VPS41: variants seen among roughly 807,000 people sequenced by gnomAD.
VPS41 encodes the protein vacuolar protein sorting-associated protein 41 homolog.
A neutral mutation model predicts 130.9 loss-of-function variants in VPS41; 85 were observed. The observed-to-expected ratio is 0.65, with a 90% confidence interval of 0.55 to 0.78. The LOEUF (loss-of-function observed/expected upper bound fraction) is 0.78. Among genes scored for constraint, VPS41 ranks in the 30% least tolerant of loss-of-function variants. VPS41 has a pLI of 0.00. For missense variants in VPS41, 874 were observed against 1,018.7 expected (o/e 0.86, Z 1.93); for synonymous variants, 335 against 332.9 (o/e 1.01, Z -0.07).
In VPS41 at chr7:38,723,739, A is replaced by AAAAAAAC. The variant is rs1562560144; in HGVS notation, c.*2506_*2507insGTTTTTT. ...ACTCCATCTCAAAAAAAAAAAAAAAAAAAAAAAAAAAAAGAATAGCTTATG... is the reference window on the plus strand; with the variant it reads ...ACTCCATCTCAAAAAAAAAAAAAAAAAAAAAACAAAAAAAAAAAAAGAATAGCTTATG... On this transcript the variant is annotated 3_prime_UTR_variant, in exon 29 of 29. Transcript: ENST00000310301. 12 of 149,864 alleles carry AAAAAAAC rather than the reference A, an allele frequency of 8.0e-5. No homozygotes were observed. The highest frequency in any genetic ancestry group is 3.0e-4 in the African/African-American group (12 of 40,484). 9.3% of individuals were successfully genotyped at this position (149,864 alleles called of 1,614,324 possible). A position where few individuals can be genotyped will look rare whatever the true frequency, so the allele number is the denominator to read the frequency against.
Position 38,728,533 on chromosome 7 carries a change from CCTT to C in VPS41, c.2404+6_2404+8del. The C allele has an allele frequency of 1.2e-6, 2 of 1,614,034 alleles. No homozygotes were observed. Among genetic ancestry groups the C allele is most frequent in the Non-Finnish European group, 1.7e-6 (2 of 1,179,974 alleles). The stretch of plus-strand genomic sequence containing the variant: ...ATGTTTGGGATTTTTTTGGGGAAAA[CCTT>C]CTTACCTGATGGAAGAATAGGGGAA... On this transcript the variant is annotated splice_donor_region_variant and intron_variant, in intron 27 of 28. Coordinates refer to ENST00000310301, the MANE Select transcript of VPS41 (RefSeq NM_014396.4).
chr7:38,879,538 C>T (rs1346668485), intron 2 of VPS41, among the ~76,000 whole-genome samples: 1 of 151,918 alleles, frequency 6.6e-6, no homozygotes, highest in Non-Finnish European at 1.5e-5. Context: ...AGACAGTGGT[C>T]CCCAACCTTT....
At chr7:38,896,838 AAT>A (rs779586932) in intron 2 of VPS41, among the ~76,000 whole-genome samples, 1 of 152,222 alleles carries the variant, frequency 6.6e-6, no homozygotes, top group Non-Finnish European at 1.5e-5. Flanking sequence ...AGCGAAATGA[AAT>A]ATTAAAAGGA....
At chr7:38,824,899 G>C (rs1319599810) in intron 5 of VPS41, among the ~76,000 whole-genome samples, 2 of 152,206 alleles carry the variant, frequency 1.3e-5, no homozygotes, top group Non-Finnish European at 2.9e-5. Context: ...GAAAAAGACT[G>C]ACAGATCAGT....
intron 1 of VPS41, among the ~76,000 whole-genome samples, chr7:38,908,499 T>A (rs1202480230): frequency 1.4e-5 from 2 of 146,124 alleles, no homozygotes; most frequent in Non-Finnish European, 3.1e-5. Flanking sequence ...CCAACAGTTC[T>A]AAGTACTCTA....
chr7:38,752,414 TG>T, intron 21 of VPS41, 101 bp from the exon 22 acceptor site: 1 of 1,420,652 alleles, frequency 7.0e-7, no homozygotes, highest in Non-Finnish European at 9.6e-7. Flanking sequence ...ATGGACAGGT[TG>T]GGGGAGAAGC....
intron 27 of VPS41, 118 bp from the exon 28 acceptor site, chr7:38,727,106 G>T (rs1795560341): frequency 2.2e-6 from 2 of 897,430 alleles, no homozygotes; most frequent in Non-Finnish European, 1.6e-6. Context: ...TGCCTTTAGA[G>T]AATGGCTTAT....
intron 7 of VPS41, among the ~76,000 whole-genome samples, chr7:38,798,837 C>A (rs1252475466): frequency 6.6e-6 from 1 of 152,030 alleles, no homozygotes; most frequent in African/African-American, 2.4e-5. Context: ...GAACAGTCTG[C>A]ACCTGTGTTG....
chr7:38,748,075 C>G (rs1562570200), intron 22 of VPS41, among the ~76,000 whole-genome samples: 1 of 152,188 alleles, frequency 6.6e-6, no homozygotes, highest in Admixed American at 6.5e-5. Context: ...AGAAAATGGA[C>G]TTTAGAAATC....
chr7:38,798,960 G>A (rs1023994396), intron 7 of VPS41, among the ~76,000 whole-genome samples: 1 of 152,092 alleles, frequency 6.6e-6, no homozygotes, highest in Non-Finnish European at 1.5e-5. Context: ...AGCCTGCCTG[G>A]GAAGTCAGGC....
chr7:38,874,553 T>C (rs1184316383), intron 2 of VPS41, among the ~76,000 whole-genome samples: 4 of 152,170 alleles, frequency 2.6e-5, no homozygotes, highest in Non-Finnish European at 5.9e-5. Context: ...GATGAATGGT[T>C]TAGTTGGTTT....
chr7:38,829,590 C>A (rs1459850720), intron 5 of VPS41, among the ~76,000 whole-genome samples: 1 of 152,152 alleles, frequency 6.6e-6, no homozygotes, highest in African/African-American at 2.4e-5. Context: ...AAAAGACATT[C>A]TTATAAGTGG....
intron 2 of VPS41, among the ~76,000 whole-genome samples, chr7:38,886,789 C>T (rs561384792): frequency 7.2e-5 from 11 of 152,316 alleles, no homozygotes; most frequent in African/African-American, 2.6e-4. Flanking sequence ...ACACCTCATA[C>T]AGGCAGGTGC....
chr7:38,837,998 A>G (rs1263464319), intron 4 of VPS41, among the ~76,000 whole-genome samples: 1 of 152,212 alleles, frequency 6.6e-6, no homozygotes, highest in East Asian at 1.9e-4. Flanking sequence ...AGGAACTTAC[A>G]TGCATATTTT....
At chr7:38,794,629 G>A (rs575063562) in intron 9 of VPS41, among the ~76,000 whole-genome samples, 13 of 152,324 alleles carry the variant, frequency 8.5e-5, no homozygotes, top group African/African-American at 2.9e-4. Flanking sequence ...CCACTTTGCA[G>A]ATGAGGACAG....
At chr7:38,844,833 T>A (rs1785689019) in intron 4 of VPS41, among the ~76,000 whole-genome samples, 1 of 152,134 alleles carries the variant, frequency 6.6e-6, no homozygotes, top group Non-Finnish European at 1.5e-5. Context: ...ATTTGACCCC[T>A]AAAACCCTAG....
intron 4 of VPS41, among the ~76,000 whole-genome samples, chr7:38,861,276 A>C (rs1786105057): frequency 6.6e-6 from 1 of 152,156 alleles, no homozygotes; most frequent in Admixed American, 6.5e-5. Context: ...ATTTAATGGG[A>C]GTAGGAAATG....
chr7:38,858,181 G>A (rs1363664790), intron 4 of VPS41, among the ~76,000 whole-genome samples: 1 of 152,330 alleles, frequency 6.6e-6, no homozygotes, highest in South Asian at 2.1e-4. Context: ...TCTACAGAAT[G>A]TAAATTTTCC....
At chr7:38,887,393 A>G (rs1195142156) in intron 2 of VPS41, among the ~76,000 whole-genome samples, 1 of 152,236 alleles carries the variant, frequency 6.6e-6, no homozygotes, top group Non-Finnish European at 1.5e-5. Flanking sequence ...CACAAGCTTC[A>G]ATAGCCAATT....
Sources: allele counts gnomAD v4.1 joint callset (sites outside exome capture counted in the v4.1 genomes callset), GRCh38; gene constraint gnomAD v4.1.1; transcripts MANE v1.5; gene names NCBI Gene and HGNC (gene_info 2026-07-23, HGNC 2026-07-21).